ZNF100: variants seen among roughly 807,000 people sequenced by gnomAD.
The protein encoded by ZNF100 is zinc finger protein 100 (Y1).
A neutral mutation model predicts 15.8 loss-of-function variants in ZNF100; 12 were observed. The ratio of observed to expected loss-of-function variants is 0.76; its 90% CI spans 0.49 to 1.23. The LOEUF is 1.23. Among genes scored for constraint, ZNF100 ranks in the 50% most tolerant of loss-of-function variants. The pLI is 0.00. For synonymous variants in ZNF100, 226 were observed against 214.8 expected (o/e 1.05, Z -0.45); for missense variants, 670 against 635.6 (o/e 1.05, Z -0.58).
At chr19:21,748,921 A>T (rs1007718135) in intron 2 of ZNF100, among the ~76,000 whole-genome samples, 1 of 152,072 alleles carries the variant, frequency 6.6e-6, no homozygotes, top group Non-Finnish European at 1.5e-5. Flanking sequence ...GTTCAGGCTG[A>T]TCTCGAACTC....
intron 1 of ZNF100, among the ~76,000 whole-genome samples, chr19:21,766,441 G>T (rs2036562930): frequency 7.2e-6 from 1 of 139,762 alleles, no homozygotes; most frequent in African/African-American, 2.7e-5. Context: ...TCTAACTCAG[G>T]TGCATTTTTT....
chr19:21,749,482 G>A (rs1167040629), intron 2 of ZNF100, among the ~76,000 whole-genome samples: 1 of 152,186 alleles, frequency 6.6e-6, no homozygotes, highest in African/African-American at 2.4e-5. Context: ...AGAGATTCAT[G>A]CTGATTCTAA....
At chr19:21,751,883 C>G (rs777510558) in intron 2 of ZNF100, 6 of 660,824 alleles carry the variant, frequency 9.1e-6, no homozygotes, top group Non-Finnish European at 1.6e-5. Flanking sequence ...TGATCAACTT[C>G]ATTGGTATTC....
intron 4 of ZNF100, among the ~76,000 whole-genome samples, chr19:21,737,421 T>A (rs2036027383): frequency 6.6e-6 from 1 of 151,422 alleles, no homozygotes; most frequent in Admixed American, 6.6e-5. Flanking sequence ...TATAATCCCA[T>A]CTACTCAGGC....
At chr19:21,752,122 C>G (rs1390501529) in intron 2 of ZNF100, 3 of 172,704 alleles carry the variant, frequency 1.7e-5, no homozygotes, top group Non-Finnish European at 2.4e-5. Flanking sequence ...CTCTTCTGTC[C>G]TTTTTAATGT....
chr19:21,743,951 G>A, intron 4 of ZNF100, 66 bp downstream of exon 4: 1 of 1,379,986 alleles, frequency 7.2e-7, no homozygotes, highest in Admixed American at 2.4e-5. Context: ...ACATTTTAAT[G>A]ACCAGCTTTC....
chr19:21,756,369 A>G (rs1390058865), intron 2 of ZNF100, among the ~76,000 whole-genome samples: 3 of 152,184 alleles, frequency 2.0e-5, no homozygotes, highest in South Asian at 2.1e-4. Flanking sequence ...TCAGCAGAAA[A>G]GCTCTTTAAA....
chr19:21,742,965 C>G (rs2036144033), intron 4 of ZNF100: 1 of 152,166 alleles, frequency 6.6e-6, no homozygotes, highest in South Asian at 2.1e-4. Context: ...CACAGTGGCT[C>G]ACGACTGTAA....
chr19:21,740,111 T>G (rs1244774311), intron 4 of ZNF100, among the ~76,000 whole-genome samples: 1 of 152,174 alleles, frequency 6.6e-6, no homozygotes, highest in Non-Finnish European at 1.5e-5. Context: ...AACAGTATGG[T>G]ACTGATACAA....
At chr19:21,731,365 G>A (rs1200348902) in intron 4 of ZNF100, among the ~76,000 whole-genome samples, 1 of 149,290 alleles carries the variant, frequency 6.7e-6, no homozygotes, top group East Asian at 2.0e-4. Flanking sequence ...CTGGAGTGCA[G>A]TGGCATGATC....
Position 21,727,747 on chromosome 19 carries a change from A to G in ZNF100, c.565T>C (p.Phe189Leu), listed in dbSNP as rs369205751. The stretch of plus-strand genomic sequence containing the variant: ...ATCTTATGTCTGTTTGAATTTGAAA[A>G]TGTATGAAAGACTTTTGCAGATGGA... ...CDPSAKVFHTFSNSNRHKIRH... is the reference protein window; with the variant it reads ...CDPSAKVFHTLSNSNRHKIRH... The change falls in exon 5 of 5, where the codon TTT (phenylalanine) becomes CTT (leucine). Residue 189 changes from phenylalanine to leucine, a missense_variant. Phe to Leu is a conservative substitution (Grantham distance 22, BLOSUM62 0). Coordinates refer to ENST00000358296, the MANE Select transcript of ZNF100 (RefSeq NM_173531.4). The G allele has an allele frequency of 1.5e-5, 25 of 1,613,762 alleles. No individual in the cohort carries two copies. In the African/African-American group the frequency reaches 2.4e-4, roughly 16 times the overall value.
At chr19:21,728,613 T>C (rs2035857414) in intron 4 of ZNF100, among the ~76,000 whole-genome samples, 1 of 152,084 alleles carries the variant, frequency 6.6e-6, no homozygotes, top group Non-Finnish European at 1.5e-5. Context: ...TCTAAGAACA[T>C]GTTTGAGAGA....
intron 3 of ZNF100, 77 bp downstream of exon 3, chr19:21,744,864 A>C: frequency 6.3e-7 from 1 of 1,575,784 alleles, no homozygotes; most frequent in South Asian, 1.2e-5. Flanking sequence ...GCAAAGCATG[A>C]ATTACCAAAA....
Position 21,724,705 on chromosome 19 carries a change from A to T in ZNF100, c.*1978T>A, listed in dbSNP as rs1301792190. The T allele has an allele frequency of 2.0e-5, 3 of 152,202 alleles. No individual in the cohort carries two copies. The highest frequency in any genetic ancestry group is 2.0e-4 in the Admixed American group (3 of 15,274). The allele number at this position is 152,202 out of a possible 1,614,324, so 9.4% of individuals were successfully genotyped here. ...ATCAAAATATGCCATATATTGCATG[A>T]ATATATACTCATATTATGTACCCCA... On this transcript the variant is annotated 3_prime_UTR_variant, in exon 5 of 5. Transcript: ENST00000358296.
chr19:21,745,812 A>G (rs927750556), intron 2 of ZNF100, among the ~76,000 whole-genome samples: 6 of 152,036 alleles, frequency 3.9e-5, no homozygotes, highest in African/African-American at 1.2e-4. Context: ...GTGAGCCACC[A>G]CGCCCGGCCG....
intron 4 of ZNF100, among the ~76,000 whole-genome samples, chr19:21,733,691 C>G (rs1440004728): frequency 5.3e-5 from 8 of 152,274 alleles, no homozygotes; most frequent in Admixed American, 3.9e-4. Context: ...AGCACACCCC[C>G]TTCACCAAGA....
chr19:21,767,205 A>C (rs1037438319), intron 1 of ZNF100, among the ~76,000 whole-genome samples: 2 of 152,200 alleles, frequency 1.3e-5, no homozygotes, highest in Non-Finnish European at 2.9e-5. Flanking sequence ...AGAGGGCTCC[A>C]GGCCAAGGCA....
chr19:21,767,356 C>T, intron 1 of ZNF100, 71 bp downstream of exon 1: 3 of 1,609,302 alleles, frequency 1.9e-6, no homozygotes, highest in Non-Finnish European at 2.5e-6. Flanking sequence ...TGAGTCCCGC[C>T]ACAGCTACTT....
chr19:21,755,794 A>C (rs1275308655), intron 2 of ZNF100, among the ~76,000 whole-genome samples: 1 of 152,208 alleles, frequency 6.6e-6, no homozygotes, highest in Non-Finnish European at 1.5e-5. Flanking sequence ...AACATGAATG[A>C]AGCTGGAAGC....
Sources: gnomAD v4.1 joint callset for allele counts (sites outside exome capture counted in the v4.1 genomes callset) on GRCh38, gnomAD v4.1.1 for gene constraint, MANE v1.5 for transcripts, NCBI Gene and HGNC (gene_info 2026-07-23, HGNC 2026-07-21) for gene names.